LIPE: variants seen among roughly 807,000 people sequenced by gnomAD.
LIPE encodes hormone-sensitive lipase.
A neutral mutation model predicts 88.5 loss-of-function variants in LIPE; 66 were observed. The observed-to-expected ratio is 0.75, with a 90% confidence interval of 0.61 to 0.91. LIPE has a LOEUF of 0.91. Ranked by LOEUF, LIPE falls within the 40% of genes least tolerant of loss-of-function variation. The pLI, the probability that LIPE is intolerant of heterozygous loss-of-function variation, is 0.00. For synonymous variants in LIPE, 570 were observed against 617.5 expected (o/e 0.92, Z 1.14); for missense variants, 1,346 against 1,434.7 (o/e 0.94, Z 1.00).
At chr19:42,423,833 C>T in intron 1 of LIPE, 1 of 1,110,598 alleles carries the variant, frequency 9.0e-7, no homozygotes, top group South Asian at 2.1e-5. Context: ...AGTGCGGAGC[C>T]CCGCGGGGAG....
At chr19:42,413,995 TG>T (rs1362923141) in intron 1 of LIPE, among the ~76,000 whole-genome samples, 1 of 152,116 alleles carries the variant, frequency 6.6e-6, no homozygotes, top group Non-Finnish European at 1.5e-5. Context: ...TGGGACGATG[TG>T]GGCTAGGCAC....
chr19:42,416,221 G>A (rs988940313), intron 1 of LIPE, among the ~76,000 whole-genome samples: 1 of 152,110 alleles, frequency 6.6e-6, no homozygotes, highest in Non-Finnish European at 1.5e-5. Flanking sequence ...GCGCATGCCT[G>A]TAATCCCAGC....
rs2040449157 is a variant in LIPE, at chr19:42,414,398, ACT to A, written c.884-3558_884-3557del. Among the ~76,000 whole-genome samples, 1 of 152,234 alleles carries A rather than the reference ACT, an allele frequency of 6.6e-6. No individual in the cohort carries two copies. Among genetic ancestry groups the A allele is most frequent in the Non-Finnish European group, 1.5e-5 (1 of 68,042 alleles). On this transcript the variant is annotated intron_variant, in intron 1 of 9. Coordinates refer to ENST00000244289, the MANE Select transcript of LIPE (RefSeq NM_005357.4). This position sits in a 1 kb window ranked among gnomAD's most constrained non-coding sequence, Gnocchi z 4.6. ...ATGAGTCTGTTTTCCTCATCTGGAA[ACT>A]GCACTTGGCTGTTCTGCTGGCTCAG...
Position 42,410,771 on chromosome 19 carries a change from T to C in LIPE, c.955A>G (p.Ile319Val). The C allele has an allele frequency of 6.2e-7, 1 of 1,610,164 alleles. No individual in the cohort carries two copies. The highest frequency in any genetic ancestry group is 8.5e-7 in the Non-Finnish European group (1 of 1,177,646). ...GGACCCTGGCTCGAGAAGAAGGCTA[T>C]GTTGTCCTCCGCCAGAGTCACCAGC... ...QSLVTLAEDNIAFFSSQGPGE... is the reference protein window; with the variant it reads ...QSLVTLAEDNVAFFSSQGPGE... Residue 319 changes from isoleucine (I) to valine (V), a missense_variant, in exon 2 of 10, where the codon ATA becomes GTA. Physicochemically the swap from Ile to Val is conservative, Grantham distance 29 (BLOSUM62 3). Coordinates refer to ENST00000244289, the MANE Select transcript of LIPE (RefSeq NM_005357.4). This position sits in a 1 kb window ranked among gnomAD's most constrained non-coding sequence, Gnocchi z 6.1.
intron 1 of LIPE, chr19:42,424,975 G>A: frequency 3.5e-6 from 1 of 288,770 alleles, no homozygotes; most frequent in South Asian, 3.2e-5. Flanking sequence ...CTTTCCTGCC[G>A]TCAGTCCCTG....
At chr19:42,403,792 G>C (rs1156372064) in intron 8 of LIPE, among the ~76,000 whole-genome samples, 2 of 152,110 alleles carry the variant, frequency 1.3e-5, no homozygotes, top group Non-Finnish European at 2.9e-5. Flanking sequence ...GTGGCTTGAA[G>C]GGAGGCTCTG....
At position 42,406,344 on chromosome 19, in the gene LIPE, C is replaced by T. The variant is rs1445556285; in HGVS notation, c.2182G>A (p.Gly728Arg). ...RICLAGDSAG[G>R]NLCFTVALRA... ...AGAGCCACGGTGAAGCAGAGGTTCC[C>T]GCCTGCACTGTCCCCCGCAAGGCAG... The change falls in exon 7 of 10, where the codon GGG becomes AGG. Residue 728 changes from glycine (G) to arginine (R), a missense_variant. Transcript: ENST00000244289. The surrounding 1 kb of genome is among the most constrained non-coding windows in gnomAD (Gnocchi z 5.7). The T allele has an allele frequency of 5.6e-6, 9 of 1,614,090 alleles. No homozygotes were observed. The highest frequency in any genetic ancestry group is 1.6e-4 in the Middle Eastern group (1 of 6,084).
At chr19:42,405,959 CTG>C (rs1406763214) in intron 7 of LIPE, 200 bp downstream of exon 7, 42 of 576,876 alleles carry the variant, frequency 7.3e-5, no homozygotes, top group African/African-American at 3.5e-4. Context: ...TTGTGTCTGT[CTG>C]TCTCTCTCTC....
chr19:42,407,268 G>T lies in LIPE; in HGVS notation c.2043C>A (p.Ile681=). 1 of 1,605,310 alleles carries T rather than the reference G, an allele frequency of 6.2e-7. No homozygotes were observed. Among genetic ancestry groups the T allele is most frequent in the Non-Finnish European group, 8.5e-7 (1 of 1,176,256 alleles). Residue 681 remains isoleucine, a synonymous_variant, in exon 6 of 10, where the codon ATC becomes ATA. Transcript: ENST00000244289. The surrounding 1 kb of genome is among the most constrained non-coding windows in gnomAD (Gnocchi z 5.8). ...AQELGAPIIS[I]DYSLAPEAPF... is the part of the protein sequence containing the mutation. ...GGGCCTCAGGGGCCAGGGAGTAGTCGATGGAGATGATGGGGGCGCCCAGCT... is the reference window on the plus strand; with the variant it reads ...GGGCCTCAGGGGCCAGGGAGTAGTCTATGGAGATGATGGGGGCGCCCAGCT...
Position 42,426,525 on chromosome 19 carries a change from T to C in LIPE, c.625A>G (p.Lys209Glu). The C allele has an allele frequency of 9.3e-6, 15 of 1,614,226 alleles. No individual in the cohort carries two copies. The highest frequency in any genetic ancestry group is 1.3e-5 in the Non-Finnish European group (15 of 1,180,042). The change falls in exon 1 of 10, where the codon AAA (lysine) becomes GAA (glutamate). Residue 209 changes from lysine (K) to glutamate (E), a missense_variant. Transcript: ENST00000244289. ...CGCTGTATGGATAGTTCCTGAAGTTTTGTTAGAAATCCCAGCTCTGTCAAA... is the reference window on the plus strand; with the variant it reads ...CGCTGTATGGATAGTTCCTGAAGTTCTGTTAGAAATCCCAGCTCTGTCAAA... ...GSLTELGFLT[K>E]LQELSIQRSA...
chr19:42,423,077 T>C (rs1026150300), intron 1 of LIPE: 5 of 268,004 alleles, frequency 1.9e-5, no homozygotes, highest in African/African-American at 4.7e-5. Flanking sequence ...ACATCGGCGC[T>C]TGAAGCATTC....
intron 1 of LIPE, among the ~76,000 whole-genome samples, chr19:42,417,071 C>T (rs892733892): frequency 1.6e-4 from 24 of 152,162 alleles, no homozygotes; most frequent in Non-Finnish European, 2.8e-4. Flanking sequence ...CAGGCGCCCG[C>T]CACCACACCT....
In LIPE at chr19:42,406,218, G is replaced by A. The variant is rs1408717898; in HGVS notation, c.2308C>T (p.Leu770Phe). ...PAASPSRLLS[L>F]MDPLLPLSVL... The stretch of plus-strand genomic sequence containing the variant: ...CTGAGGGGCAGCAAGGGGTCCATGA[G>A]GCTCAGCAGGCGGGAGGGAGAGGCG... Residue 770 changes from leucine to phenylalanine, a missense_variant, in exon 7 of 10, where the codon CTC (leucine) becomes TTC (phenylalanine). Transcript: ENST00000244289. This position sits in a 1 kb window ranked among gnomAD's most constrained non-coding sequence, Gnocchi z 5.7. 8.7e-6 allele frequency: 14 copies of A among 1,613,886 alleles called. No individual in the cohort carries two copies. Among genetic ancestry groups the A allele is most frequent in the Non-Finnish European group, 1.2e-5 (14 of 1,179,858 alleles).
Position 42,408,220 on chromosome 19 carries a change from G to A in LIPE, c.1510+12C>T, listed in dbSNP as rs1465843953. 2.5e-6 allele frequency: 4 copies of A among 1,613,854 alleles called. No homozygotes were observed. Among genetic ancestry groups the A allele is most frequent in the Non-Finnish European group, 2.5e-6 (3 of 1,179,776 alleles). ...GAGAGTAGGCTGCGAGTAGAACCTGGCTGGGACTCACTGAGGCCTGTCTCG... is the reference window on the plus strand; with the variant it reads ...GAGAGTAGGCTGCGAGTAGAACCTGACTGGGACTCACTGAGGCCTGTCTCG... On this transcript the variant is annotated intron_variant, in intron 3 of 9. Coordinates refer to ENST00000244289, the MANE Select transcript of LIPE (RefSeq NM_005357.4). The surrounding 1 kb of genome is among the most constrained non-coding windows in gnomAD (Gnocchi z 4.3).
chr19:42,421,831 G>A (rs1273959820), intron 1 of LIPE, among the ~76,000 whole-genome samples: 1 of 152,222 alleles, frequency 6.6e-6, no homozygotes, highest in Non-Finnish European at 1.5e-5. Context: ...CCTTGAGGCA[G>A]GAGTGAGGTC....
intron 8 of LIPE, among the ~76,000 whole-genome samples, chr19:42,403,699 C>T (rs35100439): frequency 0.045 from 6,816 of 151,942 alleles, 361 homozygotes; most frequent in East Asian, 0.18. Flanking sequence ...GTGATCCGCT[C>T]GCCTCGGCCT....
chr19:42,414,555 A>G lies in LIPE; in HGVS notation c.884-3713T>C, dbSNP rs2040451741. 6.6e-6 allele frequency among the ~76,000 whole-genome samples: 1 copy of G among 152,248 alleles called. No individual in the cohort carries two copies. The highest frequency in any genetic ancestry group is 2.1e-4 in the South Asian group (1 of 4,834). On this transcript the variant is annotated intron_variant, in intron 1 of 9. Transcript: ENST00000244289. The surrounding 1 kb of genome is among the most constrained non-coding windows in gnomAD (Gnocchi z 4.6). Reference sequence around the variant, plus strand: ...TTCTCTGCGGCACTTGTCACCATCTAGCATACTATACAGTTTACTACAGGA... The same window carrying G: ...TTCTCTGCGGCACTTGTCACCATCTGGCATACTATACAGTTTACTACAGGA...
intron 1 of LIPE, among the ~76,000 whole-genome samples, chr19:42,416,957 G>C (rs1319316153): frequency 1.3e-5 from 2 of 152,214 alleles, no homozygotes; most frequent in African/African-American, 4.8e-5. Context: ...GTCTCGCTCT[G>C]TCGCCCAGGT....
At chr19:42,412,950 C>T (rs35917849) in intron 1 of LIPE, among the ~76,000 whole-genome samples, 4,838 of 152,306 alleles carry the variant, frequency 0.032, 232 homozygotes, top group African/African-American at 0.11. Flanking sequence ...GCCTGAGCTG[C>T]CTGTCGGTCC....
Sources: gnomAD v4.1 joint callset for allele counts (sites outside exome capture counted in the v4.1 genomes callset) on GRCh38, gnomAD v4.1.1 for gene constraint, Gnocchi (gnomAD v3.1) non-coding constraint, MANE v1.5 for transcripts, NCBI Gene and HGNC (gene_info 2026-07-23, HGNC 2026-07-21) for gene names.